Variants in TSPAN5 observed in about 807,000 individuals in gnomAD.
TSPAN5 encodes tetraspanin-5.
TSPAN5 carries 10 observed loss-of-function variants against 37.1 expected under a neutral mutation model. That is an observed-to-expected ratio of 0.27 (90% CI 0.17 to 0.46). The LOEUF (loss-of-function observed/expected upper bound fraction) is 0.46. TSPAN5 is among the 20% of genes least tolerant of loss of function. The probability of loss-of-function intolerance (pLI) is 1.00; values close to 1 mark genes in which losing one functional copy is unlikely to be tolerated. For synonymous variants in TSPAN5, 110 were observed against 118.9 expected (o/e 0.93, Z 0.48); for missense variants, 195 against 326.6 (o/e 0.60, Z 3.11).
At chr4:98,543,275 C>T (rs779937670) in intron 1 of TSPAN5, among the ~76,000 whole-genome samples, 1 of 152,086 alleles carries the variant, frequency 6.6e-6, no homozygotes. Flanking sequence ...GTTCTCGCAT[C>T]GTGGATGTGC....
chr4:98,606,552 AAC>A (rs955999468), intron 1 of TSPAN5, among the ~76,000 whole-genome samples: 1 of 152,178 alleles, frequency 6.6e-6, no homozygotes, highest in Non-Finnish European at 1.5e-5. Context: ...CCCTACATCA[AAC>A]ACCATTATTA....
chr4:98,585,314 T>C (rs554611413), intron 1 of TSPAN5, among the ~76,000 whole-genome samples: 1 of 150,368 alleles, frequency 6.7e-6, no homozygotes, highest in African/African-American at 2.4e-5. Context: ...TATTCCACTC[T>C]CTCTCTTTTT....
At chr4:98,652,740 T>C (rs1370291481) in intron 1 of TSPAN5, among the ~76,000 whole-genome samples, 3 of 152,220 alleles carry the variant, frequency 2.0e-5, no homozygotes, top group Non-Finnish European at 4.4e-5. Context: ...AAAACATCAT[T>C]AGTGAAAAGT....
chr4:98,539,354 A>G (rs1473614013), intron 1 of TSPAN5, among the ~76,000 whole-genome samples: 1 of 152,174 alleles, frequency 6.6e-6, no homozygotes, highest in East Asian at 1.9e-4. Context: ...TAAACTCCTT[A>G]TCTTTTCTCA....
intron 1 of TSPAN5, among the ~76,000 whole-genome samples, chr4:98,627,388 T>A (rs917006348): frequency 1.3e-5 from 2 of 151,924 alleles, no homozygotes; most frequent in African/African-American, 4.8e-5. Flanking sequence ...GCCATTTTCC[T>A]GTAAGTGTGA....
intron 1 of TSPAN5, among the ~76,000 whole-genome samples, chr4:98,633,294 G>A (rs1348122945): frequency 2.6e-5 from 4 of 152,106 alleles, no homozygotes; most frequent in East Asian, 1.9e-4. Context: ...CTAAAACTAC[G>A]CTACAACAGT....
At chr4:98,485,172 G>C (rs1357215576) in intron 3 of TSPAN5, 1 of 154,238 alleles carries the variant, frequency 6.5e-6, no homozygotes, top group African/African-American at 2.4e-5. Flanking sequence ...TGATGAAATA[G>C]TGGCAACAGA....
At chr4:98,627,726 C>T (rs1024193110) in intron 1 of TSPAN5, among the ~76,000 whole-genome samples, 2 of 152,146 alleles carry the variant, frequency 1.3e-5, no homozygotes, top group Non-Finnish European at 2.9e-5. Context: ...CTCTCTTCTC[C>T]CTACAGAGTA....
chr4:98,529,614 C>T (rs1451990972), intron 1 of TSPAN5, among the ~76,000 whole-genome samples: 1 of 152,172 alleles, frequency 6.6e-6, no homozygotes, highest in Non-Finnish European at 1.5e-5. Flanking sequence ...TTGCTACCTA[C>T]CTAGTGACTG....
intron 1 of TSPAN5, among the ~76,000 whole-genome samples, chr4:98,586,875 C>T (rs777124592): frequency 1.5e-4 from 23 of 152,230 alleles, no homozygotes; most frequent in Non-Finnish European, 3.1e-4. Context: ...ACCAAGCCAG[C>T]GGCATGCACA....
chr4:98,636,846 GT>G (rs1216201264), intron 1 of TSPAN5, among the ~76,000 whole-genome samples: 2 of 152,104 alleles, frequency 1.3e-5, no homozygotes, highest in Non-Finnish European at 1.5e-5. Flanking sequence ...TGAACAAATG[GT>G]TTACTTGGCT....
intron 1 of TSPAN5, among the ~76,000 whole-genome samples, chr4:98,526,400 G>A (rs1258413441): frequency 1.3e-5 from 2 of 152,076 alleles, no homozygotes; most frequent in Admixed American, 1.3e-4. Context: ...CTAATTCTAC[G>A]GCTTTCAAAT....
chr4:98,550,687 C>G (rs1384636232), intron 1 of TSPAN5, among the ~76,000 whole-genome samples: 1 of 149,974 alleles, frequency 6.7e-6, no homozygotes, highest in Non-Finnish European at 1.5e-5. Flanking sequence ...CATTACTGTA[C>G]TAGTGTACAG....
chr4:98,473,698 A>G (rs534250004), intron 7 of TSPAN5, among the ~76,000 whole-genome samples: 2 of 152,276 alleles, frequency 1.3e-5, no homozygotes, highest in African/African-American at 4.8e-5. Context: ...TGACCTCATG[A>G]TCCACCCGCC....
At chr4:98,482,243 T>C (rs1437961292) in intron 3 of TSPAN5, 68 bp from the exon 4 acceptor site, 2 of 1,443,866 alleles carry the variant, frequency 1.4e-6, no homozygotes, top group East Asian at 4.6e-5. Flanking sequence ...AGCTAAATGG[T>C]TCCTCTCTAA....
chr4:98,605,941 T>G (rs846011), intron 1 of TSPAN5, among the ~76,000 whole-genome samples: 118,616 of 152,148 alleles, frequency 0.78, 47,034 homozygotes, highest in African/African-American at 0.93. Context: ...AGCTTGTCCT[T>G]GTTACCTGAG....
At chr4:98,520,424 C>T (rs370159667) in intron 1 of TSPAN5, among the ~76,000 whole-genome samples, 11 of 152,266 alleles carry the variant, frequency 7.2e-5, no homozygotes, top group East Asian at 1.9e-4. Context: ...TTGGGAGGCA[C>T]GGAAACTGCC....
chr4:98,585,954 A>C (rs1279777668), intron 1 of TSPAN5, among the ~76,000 whole-genome samples: 1 of 152,244 alleles, frequency 6.6e-6, no homozygotes, highest in Non-Finnish European at 1.5e-5. Flanking sequence ...TCTAGCTGCT[A>C]ACTAAATCGT....
At position 98,517,467 on chromosome 4, in the gene TSPAN5, TTC is replaced by T. The variant is rs559390115; in HGVS notation, c.82-9741_82-9740del. Among the ~76,000 whole-genome samples, 1,162 of 152,210 alleles carry T rather than the reference TTC, an allele frequency of 7.6e-3. 9 individuals are homozygous for T. The highest frequency in any genetic ancestry group is 0.013 in the Non-Finnish European group (876 of 68,008). On this transcript the variant is annotated intron_variant, in intron 1 of 7. Transcript: ENST00000305798. ...GTATCCAAGCATTTTTGGAACTGTG[TTC>T]TCTGTTTTCCCAGAGGATGAAAGGG...
Sources: allele counts gnomAD v4.1 joint callset (sites outside exome capture counted in the v4.1 genomes callset), GRCh38; gene constraint gnomAD v4.1.1; transcripts MANE v1.5; gene names NCBI Gene and HGNC (gene_info 2026-07-23, HGNC 2026-07-21).